The following EYS variants were observed in gnomAD, a reference collection of about 807,000 sequenced individuals.
EYS encodes the protein EGF-like photoreceptor maintenance factor, also known as protein eyes shut homolog.
In EYS, 250 loss-of-function variants were observed where a neutral mutation model predicts 282.1. That is an observed-to-expected ratio of 0.89 (90% CI 0.80 to 0.98). The LOEUF (loss-of-function observed/expected upper bound fraction) is 0.98, where lower values mean the gene tolerates loss of function less well. Among genes scored for constraint, EYS ranks in the 50% least tolerant of loss-of-function variants. The pLI, the probability that EYS is intolerant of heterozygous loss-of-function variation, is 0.00. For missense variants in EYS, 4,016 were observed against 3,709.0 expected, an observed-to-expected ratio of 1.08 and a Z score of -2.15; for synonymous variants, 1,355 against 1,282.9, an observed-to-expected ratio of 1.06 and a Z score of -1.20.
chr6:65,601,484 T>G (rs1765615454), intron 2 of EYS, among the ~76,000 whole-genome samples: 2 of 151,964 alleles, frequency 1.3e-5, no homozygotes, highest in African/African-American at 4.8e-5. Context: ...TTCTGCCTCT[T>G]GCAGTGATTT....
intron 13 of EYS, among the ~76,000 whole-genome samples, chr6:65,016,042 T>G (rs1276081908): frequency 8.0e-6 from 1 of 124,908 alleles, no homozygotes; most frequent in African/African-American, 3.1e-5. Context: ...AGACTCCACA[T>G]CAAAAAAAGA....
chr6:65,405,604 A>T (rs1766703017), intron 5 of EYS, among the ~76,000 whole-genome samples: 1 of 152,074 alleles, frequency 6.6e-6, no homozygotes, highest in South Asian at 2.1e-4. Flanking sequence ...TTTTAGCACA[A>T]TTCCATTACC....
At chr6:64,321,216 T>C (rs1219279898) in intron 29 of EYS, among the ~76,000 whole-genome samples, 1 of 151,758 alleles carries the variant, frequency 6.6e-6, no homozygotes, top group African/African-American at 2.4e-5. Flanking sequence ...ACTTATTAAT[T>C]TTAATCTTTT....
At chr6:65,066,758 C>G (rs778660839) in intron 12 of EYS, among the ~76,000 whole-genome samples, 40 of 152,216 alleles carry the variant, frequency 2.6e-4, no homozygotes, top group Non-Finnish European at 4.4e-4. Flanking sequence ...ATTTGCTAAT[C>G]ATGCACTAAT....
intron 31 of EYS, among the ~76,000 whole-genome samples, chr6:64,094,775 T>C (rs939392019): frequency 2.6e-5 from 4 of 152,172 alleles, no homozygotes; most frequent in Admixed American, 6.5e-5. Flanking sequence ...CTGATCTCAG[T>C]TATTTCTTGC....
intron 14 of EYS, among the ~76,000 whole-genome samples, chr6:64,950,800 T>TATATATATATATATATAC (rs1769468096): frequency 2.7e-5 from 2 of 73,386 alleles, no homozygotes; most frequent in Non-Finnish European, 5.6e-5. Flanking sequence ...TACATATACA[T>TATATATATATATATATAC]ATATATATAT....
At chr6:65,440,601 C>G (rs931350964) in intron 5 of EYS, among the ~76,000 whole-genome samples, 5 of 151,312 alleles carry the variant, frequency 3.3e-5, no homozygotes, top group African/African-American at 4.8e-5. Flanking sequence ...TTTTGCTTGT[C>G]TTTAATGAGT....
At chr6:65,451,107 G>T (rs1217835664) in intron 5 of EYS, among the ~76,000 whole-genome samples, 1 of 151,452 alleles carries the variant, frequency 6.6e-6, no homozygotes, top group Non-Finnish European at 1.5e-5. Context: ...ACTTATCTTT[G>T]CTATTTTCTA....
intron 19 of EYS, among the ~76,000 whole-genome samples, chr6:64,850,621 G>A (rs963252733): frequency 2.0e-5 from 3 of 151,958 alleles, no homozygotes; most frequent in Admixed American, 6.6e-5. Flanking sequence ...GATAGAAAAG[G>A]TAGGCAGAAC....
At chr6:63,997,782 A>G (rs1048161142) in intron 34 of EYS, among the ~76,000 whole-genome samples, 1 of 152,186 alleles carries the variant, frequency 6.6e-6, no homozygotes, top group Non-Finnish European at 1.5e-5. Context: ...ACTGGATTCT[A>G]TGTGTTAAAA....
At chr6:65,288,344 C>T (rs994181798) in intron 12 of EYS, among the ~76,000 whole-genome samples, 1 of 150,376 alleles carries the variant, frequency 6.6e-6, no homozygotes, top group African/African-American at 2.4e-5. Flanking sequence ...CTGAGTCTTC[C>T]ACTGAATTCT....
intron 5 of EYS, among the ~76,000 whole-genome samples, chr6:65,420,055 T>C (rs535415526): frequency 3.3e-5 from 5 of 152,134 alleles, no homozygotes; most frequent in African/African-American, 1.2e-4. Flanking sequence ...CTTTCCTCAA[T>C]GTTCATGGTC....
chr6:64,089,766 A>G (rs1935816259), intron 31 of EYS, among the ~76,000 whole-genome samples: 1 of 152,022 alleles, frequency 6.6e-6, no homozygotes, highest in South Asian at 2.1e-4. Flanking sequence ...TTTTTGCTAC[A>G]TCTATTTTTC....
chr6:63,778,094 G>T lies in EYS; in HGVS notation c.7810C>A (p.Arg2604Ser), dbSNP rs1015857165. The change falls in exon 40 of 43, where the codon CGC becomes AGC. Residue 2604 changes from arginine to serine, a missense_variant. Transcript: ENST00000503581. ...GAAGCATGACACTGGCCAACACTGC[G>T]TCCAGCATTTGGGTGGCCCTCAGGA... ...GNPEGHPNAG[R>S]SVGQCHASPC... 1.3e-6 allele frequency: 2 copies of T among 1,551,596 alleles called. No individual in the cohort carries two copies. Among genetic ancestry groups the T allele is most frequent in the African/African-American group, 1.4e-5 (1 of 73,046 alleles).
chr6:65,286,809 T>G (rs571223483), intron 12 of EYS, among the ~76,000 whole-genome samples: 1 of 151,822 alleles, frequency 6.6e-6, no homozygotes, highest in East Asian at 1.9e-4. Context: ...TGATATTTGA[T>G]TTAAAAGCAG....
chr6:65,074,157 A>T (rs774619219), intron 12 of EYS, among the ~76,000 whole-genome samples: 6 of 152,062 alleles, frequency 3.9e-5, no homozygotes, highest in Non-Finnish European at 8.8e-5. Flanking sequence ...TTGTTTTCTA[A>T]CTCTAGAAAT....
chr6:65,316,818 G>T (rs1769307050), intron 11 of EYS, among the ~76,000 whole-genome samples: 7 of 152,174 alleles, frequency 4.6e-5, no homozygotes, highest in Admixed American at 4.6e-4. Flanking sequence ...CTCATCCTTT[G>T]TTGTGGCTGC....
rs118022319 is a variant in EYS at position 64,360,162 on chromosome 6, T to G, written c.6078+28528A>C. 2.0e-3 allele frequency among the ~76,000 whole-genome samples: 310 copies of G among 151,902 alleles called. 2 individuals are homozygous for G. In the East Asian group the frequency reaches 0.039, roughly 19 times the overall value. ...TTAGCAGGAACTTTTATTCTCATTA[T>G]TCTAATTCTAATGTAGATACTATCC... is the stretch of plus-strand genomic sequence containing the variant. On this transcript the variant is annotated intron_variant, in intron 29 of 42. Transcript: ENST00000503581.
chr6:64,302,589 G>A (rs988423969), intron 30 of EYS, among the ~76,000 whole-genome samples: 2 of 151,964 alleles, frequency 1.3e-5, no homozygotes, highest in African/African-American at 4.8e-5. Context: ...CAACAATTTT[G>A]TCACACGTGG....
Sources: allele counts gnomAD v4.1 joint callset (sites outside exome capture counted in the v4.1 genomes callset), GRCh38; gene constraint gnomAD v4.1.1; transcripts MANE v1.5; gene names NCBI Gene and HGNC (gene_info 2026-07-23, HGNC 2026-07-21).